FCRL5: variants seen among roughly 807,000 people sequenced by gnomAD.
The protein encoded by FCRL5 is Fc receptor-like protein 5.
FCRL5 carries 79 observed loss-of-function variants against 92.1 expected under a neutral mutation model. The observed-to-expected ratio is 0.86, with a 90% CI of 0.72 to 1.03. FCRL5 has a LOEUF of 1.03. Among genes scored for constraint, FCRL5 ranks in the 50% least tolerant of loss-of-function variants. The probability of loss-of-function intolerance (pLI) is 0.00; values close to 1 mark genes in which losing one functional copy is unlikely to be tolerated. For missense variants in FCRL5, 1,160 were observed against 1,181.1 expected, an observed-to-expected ratio of 0.98 and a Z score of 0.26; for synonymous variants, 466 against 469.3, an observed-to-expected ratio of 0.99 and a Z score of 0.09.
chr1:157,552,451 T>G lies in FCRL5; in HGVS notation c.-89A>C. On this transcript the variant is annotated 5_prime_UTR_variant, in exon 1 of 17. Transcript: ENST00000361835. ...GGACTTGATCTTACAGTCAGGACAC[T>G]GCACACCAGCTCCAAGGAGCACATC... The G allele has an allele frequency of 7.6e-7, 1 of 1,317,230 alleles. No homozygotes were observed. Among genetic ancestry groups the G allele is most frequent in the South Asian group, 1.2e-5 (1 of 85,024 alleles). The allele number at this position is 1,317,230 out of a possible 1,614,324, so 81.6% of individuals were successfully genotyped here.
Position 157,545,483 on chromosome 1 carries a change from G to A in FCRL5, c.308-401C>T, listed in dbSNP as rs147149279. Among the ~76,000 whole-genome samples the A allele has an allele frequency of 7.2e-3, 1,066 of 148,836 alleles. 16 individuals carry two copies. Among genetic ancestry groups the A allele is most frequent in the African/African-American group, 0.025 (1,015 of 40,408 alleles). On this transcript the variant is annotated intron_variant, in intron 3 of 16. Coordinates refer to ENST00000361835, the MANE Select transcript of FCRL5 (RefSeq NM_031281.3). ...ATTGAACCTGATTTTTAATGTTTGC[G>A]GTTTTCCTTCACTGGCAGTAATGTA...
At chr1:157,526,300 C>T (rs1192205569) in intron 9 of FCRL5, among the ~76,000 whole-genome samples, 1 of 152,082 alleles carries the variant, frequency 6.6e-6, no homozygotes, top group African/African-American at 2.4e-5. Flanking sequence ...CATCGGTGAC[C>T]TTTGTGAGAA....
chr1:157,521,513 T>A lies in FCRL5; in HGVS notation c.2240-221A>T, dbSNP rs551960590. 326 of 484,258 alleles carry A rather than the reference T, an allele frequency of 6.7e-4. 1 individual carries two copies. Among genetic ancestry groups the A allele is most frequent in the African/African-American group, 5.2e-3 (265 of 51,234 alleles). The allele number at this position is 484,258 out of a possible 1,614,324, so 30.0% of individuals were successfully genotyped here. ...TGTATAAATCACTGAAAACTTCAAA[T>A]AGACAATAAATATATACAGAGATTC... On this transcript the variant is annotated intron_variant, in intron 10 of 16. Coordinates refer to ENST00000361835, the MANE Select transcript of FCRL5 (RefSeq NM_031281.3).
Position 157,537,535 on chromosome 1 carries a change from G to A in FCRL5, c.1402+1551C>T, listed in dbSNP as rs376054330. 3.3e-3 allele frequency among the ~76,000 whole-genome samples: 509 copies of A among 152,272 alleles called. 2 individuals are homozygous for A. Among genetic ancestry groups the A allele is most frequent in the African/African-American group, 0.011 (473 of 41,544 alleles). Reference sequence around the variant, plus strand: ...TCGCCCCGGTCCTGTGGTCCTGTGAGCTCACCCTGCCTCCATTTGCCTTGT... The same window carrying A: ...TCGCCCCGGTCCTGTGGTCCTGTGAACTCACCCTGCCTCCATTTGCCTTGT... On this transcript the variant is annotated intron_variant, in intron 7 of 16. Transcript: ENST00000361835.
rs147978222 is a variant in FCRL5 at position 157,552,476 on chromosome 1, C to T, written c.-114G>A. The T allele has an allele frequency of 9.3e-7, 1 of 1,069,622 alleles. No homozygotes were observed. Among genetic ancestry groups the T allele is most frequent in the African/African-American group, 1.6e-5 (1 of 64,260 alleles). 66.3% of individuals were successfully genotyped at this position (1,069,622 alleles called of 1,614,324 possible). A position where few individuals can be genotyped will look rare whatever the true frequency, so the allele number is the denominator to read the frequency against. On this transcript the variant is annotated 5_prime_UTR_variant, in exon 1 of 17. Coordinates refer to ENST00000361835, the MANE Select transcript of FCRL5 (RefSeq NM_031281.3). ...TGCACACCAGCTCCAAGGAGCACATCTGAGAAGCTGTGCTCTCAAAAAGAG... is the reference window on the plus strand; with the variant it reads ...TGCACACCAGCTCCAAGGAGCACATTTGAGAAGCTGTGCTCTCAAAAAGAG...
At chr1:157,539,864 A>G (rs193138912) in intron 6 of FCRL5, among the ~76,000 whole-genome samples, 1 of 152,364 alleles carries the variant, frequency 6.6e-6, no homozygotes, top group East Asian at 1.9e-4. Flanking sequence ...CAAAGACTCA[A>G]AAGAATGCAA....
chr1:157,536,105 C>A (rs928385964), intron 7 of FCRL5, among the ~76,000 whole-genome samples: 1 of 151,984 alleles, frequency 6.6e-6, no homozygotes, highest in African/African-American at 2.4e-5. Context: ...CCACACCTGG[C>A]TAATTTTTGT....
chr1:157,527,701 C>A lies in FCRL5; in HGVS notation c.1876G>T (p.Ala626Ser). ...GEASFNLSLT[A>S]EHSGNYSCEA... ...CATGAGTAGTTTCCAGAATGTTCTG[C>A]AGTCAGAGAGAGGTTGAAAGAAGCT... Residue 626 changes from alanine (A) to serine (S), a missense_variant, in exon 9 of 17, where the codon GCA becomes TCA. Physicochemically the swap from Ala to Ser is moderately conservative, Grantham distance 99. Transcript: ENST00000361835. The A allele has an allele frequency of 6.2e-7, 1 of 1,614,186 alleles. No individual in the cohort carries two copies. The highest frequency in any genetic ancestry group is 8.5e-7 in the Non-Finnish European group (1 of 1,180,012).
Position 157,539,284 on chromosome 1 carries a change from C to T in FCRL5, c.1204G>A (p.Glu402Lys). The T allele has an allele frequency of 6.2e-7, 1 of 1,614,184 alleles. No homozygotes were observed. Among genetic ancestry groups the T allele is most frequent in the Non-Finnish European group, 8.5e-7 (1 of 1,180,030 alleles). The change falls in exon 7 of 17, where the codon GAA becomes AAA. Residue 402 changes from glutamate (E) to lysine (K), a missense_variant. Glu to Lys is a moderately conservative substitution (Grantham distance 56). Coordinates refer to ENST00000361835, the MANE Select transcript of FCRL5 (RefSeq NM_031281.3). ...FEGAKVTLHC[E>K]AQRGSLPILY... ...ATGGGGAGTGAACCTCTCTGGGCTTCACAGTGAAGTGTCACCTTGGCTCCC... is the reference window on the plus strand; with the variant it reads ...ATGGGGAGTGAACCTCTCTGGGCTTTACAGTGAAGTGTCACCTTGGCTCCC...
Position 157,515,010 on chromosome 1 carries a change from T to C in FCRL5, c.*665A>G, listed in dbSNP as rs565138788. The C allele has an allele frequency of 6.5e-6, 1 of 154,808 alleles. No homozygotes were observed. The highest frequency in any genetic ancestry group is 1.4e-5 in the Non-Finnish European group (1 of 69,666). The allele number at this position is 154,808 out of a possible 1,614,324, so 9.6% of individuals were successfully genotyped here. A position where few individuals can be genotyped will look rare whatever the true frequency, so the allele number is the denominator to read the frequency against. On this transcript the variant is annotated 3_prime_UTR_variant, in exon 17 of 17. Coordinates refer to ENST00000361835, the MANE Select transcript of FCRL5 (RefSeq NM_031281.3). ...TACTTCTGTTAGGATGGGAAGAACTTGGGACTTGGTGTATGAAAGCCACTT... is the reference window on the plus strand; with the variant it reads ...TACTTCTGTTAGGATGGGAAGAACTCGGGACTTGGTGTATGAAAGCCACTT...
At position 157,521,597 on chromosome 1, in the gene FCRL5, C is replaced by A. The variant is rs182762529; in HGVS notation, c.2240-305G>T. 368 of 222,368 alleles carry A rather than the reference C, an allele frequency of 1.7e-3. 1 individual carries two copies. Among genetic ancestry groups the A allele is most frequent in the Non-Finnish European group, 2.6e-3 (295 of 115,164 alleles). 13.8% of individuals were successfully genotyped at this position (222,368 alleles called of 1,614,324 possible). A position where few individuals can be genotyped will look rare whatever the true frequency, so the allele number is the denominator to read the frequency against. ...CAACCATACAATACTATTCTTTTTT[C>A]TATTTTTCAGGTTGGCAAAGCTTAA... On this transcript the variant is annotated intron_variant, in intron 10 of 16. Coordinates refer to ENST00000361835, the MANE Select transcript of FCRL5 (RefSeq NM_031281.3).
chr1:157,539,083 T>TAC lies in FCRL5; in HGVS notation c.1402+1_1402+2dup. On this transcript the variant is annotated splice_region_variant and intron_variant, in intron 7 of 16. Transcript: ENST00000361835. ...GGGTGATTGGCAGGAACCCAGGGCT[T>TAC]ACCAGTGACGGAGAGGCTCACCGCC... The TAC allele has an allele frequency of 6.2e-7, 1 of 1,612,042 alleles. No homozygotes were observed. Among genetic ancestry groups the TAC allele is most frequent in the Non-Finnish European group, 8.5e-7 (1 of 1,179,236 alleles).
Position 157,534,816 on chromosome 1 carries a change from GT to G in FCRL5, c.1478del (p.His493ProfsTer39). On this transcript the variant is annotated frameshift_variant, in exon 8 of 17. Transcript: ENST00000361835. LOFTEE classifies it high-confidence loss of function. ...GTGGGGAACCTCTCTGGACTTCACAGTGAAGTGTCACAGTGGCTCCTTCAAA... is the reference window on the plus strand; with the variant it reads ...GTGGGGAACCTCTCTGGACTTCACAGGAAGTGTCACAGTGGCTCCTTCAAA... ...LTFEGATVTL[H>X]CEVQRGSPQI... is the part of the protein sequence containing the mutation. 6.2e-7 allele frequency: 1 copy of G among 1,605,940 alleles called. No homozygotes were observed. The highest frequency in any genetic ancestry group is 8.5e-7 in the Non-Finnish European group (1 of 1,175,910).
intron 16 of FCRL5, 22 bp from the exon 17 acceptor site, chr1:157,515,786 G>A (rs747323979): frequency 1.6e-5 from 26 of 1,611,824 alleles, no homozygotes; most frequent in Middle Eastern, 1.6e-4. Flanking sequence ...GAGCACATGC[G>A]TGAGGACCAG....
intron 7 of FCRL5, among the ~76,000 whole-genome samples, chr1:157,535,448 G>A (rs1270754639): frequency 1.3e-5 from 2 of 152,170 alleles, no homozygotes; most frequent in Non-Finnish European, 2.9e-5. Flanking sequence ...TGTATTTGAA[G>A]TTCCTCACAG....
intron 2 of FCRL5, among the ~76,000 whole-genome samples, chr1:157,547,659 G>A (rs759740341): frequency 2.8e-4 from 42 of 152,320 alleles, no homozygotes; most frequent in Non-Finnish European, 6.2e-4. Flanking sequence ...TCATTTTGTA[G>A]ATGATGATTC....
chr1:157,531,440 C>T (rs1650693104), intron 8 of FCRL5, among the ~76,000 whole-genome samples: 1 of 152,116 alleles, frequency 6.6e-6, no homozygotes, highest in Non-Finnish European at 1.5e-5. Flanking sequence ...AATAGAGCTA[C>T]CATATTATCT....
chr1:157,528,111 C>T (rs1650521767), intron 8 of FCRL5: 1 of 421,576 alleles, frequency 2.4e-6, no homozygotes, highest in Non-Finnish European at 4.1e-6. Flanking sequence ...TAAATGAGTT[C>T]AGTAAAGTTT....
At chr1:157,521,917 T>A (rs922468070) in intron 10 of FCRL5, 3 of 152,212 alleles carry the variant, frequency 2.0e-5, no homozygotes, top group African/African-American at 7.2e-5. Context: ...TATGCCAATA[T>A]ATTTCTACAA....
Sources: allele counts gnomAD v4.1 joint callset (sites outside exome capture counted in the v4.1 genomes callset), GRCh38; gene constraint gnomAD v4.1.1; transcripts MANE v1.5; gene names NCBI Gene and HGNC (gene_info 2026-07-23, HGNC 2026-07-21).